Variants in TRPM2 observed in about 807,000 individuals in gnomAD.
The protein encoded by TRPM2 is transient receptor potential cation channel subfamily M member 2.
Under a neutral mutation model 174.0 loss-of-function variants are expected in TRPM2, and 161 were observed. The observed-to-expected ratio is 0.93, with a 90% confidence interval of 0.81 to 1.05. The LOEUF (loss-of-function observed/expected upper bound fraction) is 1.05, where lower values mean the gene tolerates loss of function less well. Ranked by LOEUF, TRPM2 falls within the 50% of genes least tolerant of loss-of-function variation. The pLI is 0.00. For missense variants in TRPM2, 2,057 were observed against 2,038.0 expected, an observed-to-expected ratio of 1.01 and a Z score of -0.18; for synonymous variants, 954 against 861.3, an observed-to-expected ratio of 1.11 and a Z score of -1.88.
intron 3 of TRPM2, among the ~76,000 whole-genome samples, chr21:44,364,685 A>G (rs1439648169): frequency 6.6e-6 from 1 of 151,930 alleles, no homozygotes; most frequent in African/African-American, 2.4e-5. Context: ...GGAGGGAGGG[A>G]AAAGCTGGGG....
At chr21:44,369,062 T>G (rs2048443318) in intron 4 of TRPM2, 115 bp from the exon 5 acceptor site, 1 of 1,148,326 alleles carries the variant, frequency 8.7e-7, no homozygotes, top group Non-Finnish European at 1.2e-6. Context: ...AGTGAGGAGC[T>G]CTGCGTTGTT....
At chr21:44,425,282 G>A (rs2050717028) in intron 24 of TRPM2, 3 of 389,208 alleles carry the variant, frequency 7.7e-6, no homozygotes, top group Non-Finnish European at 9.3e-6. Flanking sequence ...GCTGAGTGAC[G>A]AGAAGCAAAG....
chr21:44,423,958 T>C (rs997365657), intron 23 of TRPM2, among the ~76,000 whole-genome samples: 19 of 152,168 alleles, frequency 1.2e-4, no homozygotes, highest in African/African-American at 2.4e-5. Flanking sequence ...CACTGAGGCC[T>C]CCACGGCCGG....
intron 19 of TRPM2, 133 bp downstream of exon 19, chr21:44,406,898 T>G: frequency 8.4e-7 from 1 of 1,192,390 alleles, no homozygotes; most frequent in Non-Finnish European, 1.2e-6. Context: ...GCCGGTGTCC[T>G]CCCTGGGGGC....
rs2051426939 is a variant in TRPM2, at chr21:44,439,870, A to G, written c.4269+702A>G. ...CCAGGCAGCAGGGGCTGCAGCGGTG[A>G]GACACCACACCCGTCTAATATTTTG... is the stretch of plus-strand genomic sequence containing the variant. On this transcript the variant is annotated intron_variant, in intron 30 of 31. Coordinates refer to ENST00000397928, the MANE Select transcript of TRPM2 (RefSeq NM_003307.4). This position sits in a 1 kb window ranked among gnomAD's most constrained non-coding sequence, Gnocchi z 5.1. Among the ~76,000 whole-genome samples, 1 of 152,052 alleles carries G rather than the reference A, an allele frequency of 6.6e-6. No homozygotes were observed. The highest frequency in any genetic ancestry group is 1.5e-5 in the Non-Finnish European group (1 of 67,998).
intron 24 of TRPM2, 59 bp downstream of exon 24, chr21:44,424,998 G>T (rs951936744): frequency 3.4e-6 from 5 of 1,481,154 alleles, no homozygotes; most frequent in Non-Finnish European, 3.7e-6. Flanking sequence ...TTGGGTCTGG[G>T]GTCAGTTGGG....
intron 19 of TRPM2, among the ~76,000 whole-genome samples, chr21:44,413,435 G>A (rs531740663): frequency 1.5e-3 from 222 of 152,128 alleles, no homozygotes; most frequent in African/African-American, 5.2e-3. Context: ...TAGAGACAAG[G>A]TTTCACCATG....
In TRPM2 at chr21:44,406,742, G is replaced by A; in HGVS notation, c.2939G>A (p.Gly980Glu). 8.7e-6 allele frequency: 14 copies of A among 1,606,370 alleles called. No homozygotes were observed. Among genetic ancestry groups the A allele is most frequent in the Non-Finnish European group, 1.2e-5 (14 of 1,178,236 alleles). The change falls in exon 19 of 32, where the codon GGG (glycine) becomes GAG (glutamate). Residue 980 changes from glycine (G) to glutamate (E), a missense_variant. Physicochemically the swap from Gly to Glu is moderately conservative, Grantham distance 98. Transcript: ENST00000397928. ...TACCACTCCTACCTCACCATCTTCGGGCAGATCCCGGGCTACATCGACGGT... is the reference window on the plus strand; with the variant it reads ...TACCACTCCTACCTCACCATCTTCGAGCAGATCCCGGGCTACATCGACGGT... The part of the protein sequence containing the change: ...AVYHSYLTIF[G>E]QIPGYIDGVN...
At chr21:44,404,100 T>C (rs540564347) in intron 16 of TRPM2, among the ~76,000 whole-genome samples, 3 of 151,676 alleles carry the variant, frequency 2.0e-5, no homozygotes, top group Admixed American at 6.6e-5. Context: ...TACACACACA[T>C]ATATACATAT....
At position 44,376,851 on chromosome 21, in the gene TRPM2, A is replaced by T. The variant is rs566659079; in HGVS notation, c.952+838A>T. On this transcript the variant is annotated intron_variant, in intron 6 of 31. Transcript: ENST00000397928. This position sits in a 1 kb window ranked among gnomAD's most constrained non-coding sequence, Gnocchi z 4.2. ...GGGCCCCAGCCCCAGGGTCCAACTC[A>T]GCAGCTCCAGGTGGGCTGAGAACTT... 1.1e-3 allele frequency among the ~76,000 whole-genome samples: 161 copies of T among 152,338 alleles called. 1 individual carries two copies. The highest frequency in any genetic ancestry group is 3.8e-3 in the African/African-American group (158 of 41,564).
chr21:44,408,267 G>A (rs1166814398), intron 19 of TRPM2, among the ~76,000 whole-genome samples: 2 of 152,086 alleles, frequency 1.3e-5, no homozygotes, highest in Non-Finnish European at 2.9e-5. Context: ...TTCACATGCT[G>A]TGAATAACGT....
chr21:44,397,977 G>A, intron 13 of TRPM2, 101 bp downstream of exon 13: 1 of 1,365,306 alleles, frequency 7.3e-7, no homozygotes, highest in South Asian at 1.8e-5. Flanking sequence ...CCCTCACCCT[G>A]GGGTCCTCGT....
rs201506177 is a variant in TRPM2, at chr21:44,375,845, G to A, written c.784G>A (p.Ala262Thr). 3.5e-5 allele frequency: 57 copies of A among 1,612,816 alleles called. No homozygotes were observed. Among genetic ancestry groups the A allele is most frequent in the Middle Eastern group, 1.7e-4 (1 of 6,050 alleles). ...GLIHPTGSFP[A>T]EYILDEDGQG... ...CTGGCCATCCCAGGGCAGCTTCCCC[G>A]CCGAGTACATACTGGATGAGGATGG... The change falls in exon 6 of 32, where the codon GCC becomes ACC. Residue 262 changes from alanine (A) to threonine (T), a missense_variant. By Grantham distance (58) the Ala-to-Thr change is moderately conservative. Coordinates refer to ENST00000397928, the MANE Select transcript of TRPM2 (RefSeq NM_003307.4).
Position 44,354,863 on chromosome 21 carries a change from C to T in TRPM2, c.254+127C>T, listed in dbSNP as rs376263465. On this transcript the variant is annotated intron_variant, in intron 2 of 31. Coordinates refer to ENST00000397928, the MANE Select transcript of TRPM2 (RefSeq NM_003307.4). This position sits in a 1 kb window ranked among gnomAD's most constrained non-coding sequence, Gnocchi z 4.3. ...CACTGGAGATACCTCTGTCTCCATA[C>T]GAGGCTTAGAGTCCACAGAGCATTT... 17 of 818,188 alleles carry T rather than the reference C, an allele frequency of 2.1e-5. No homozygotes were observed. Among genetic ancestry groups the T allele is most frequent in the South Asian group, 3.0e-5 (2 of 65,842 alleles). 50.7% of individuals were successfully genotyped at this position (818,188 alleles called of 1,614,324 possible).
chr21:44,425,897 C>G (rs1057316422), intron 25 of TRPM2, 70 bp downstream of exon 25: 2 of 1,421,664 alleles, frequency 1.4e-6, no homozygotes, highest in Middle Eastern at 2.7e-4. Flanking sequence ...GGCCCTGTCC[C>G]CATCCATCTG....
chr21:44,398,231 C>A (rs867595500), intron 13 of TRPM2, among the ~76,000 whole-genome samples: 1 of 134,410 alleles, frequency 7.4e-6, no homozygotes, highest in South Asian at 2.1e-4. Flanking sequence ...GATGGAGTGT[C>A]GCTCTGTTGC....
In TRPM2 at chr21:44,376,604, C is replaced by T. The variant is rs1380479595; in HGVS notation, c.952+591C>T. 2.6e-5 allele frequency among the ~76,000 whole-genome samples: 4 copies of T among 152,298 alleles called. No homozygotes were observed. Among genetic ancestry groups the T allele is most frequent in the South Asian group, 2.1e-4 (1 of 4,830 alleles). ...TCTCAGGTTCAGAAATCAGAATGTA[C>T]GATAGTCAAAACTTAGGATTTGATA... On this transcript the variant is annotated intron_variant, in intron 6 of 31. Transcript: ENST00000397928. The surrounding 1 kb of genome is among the most constrained non-coding windows in gnomAD (Gnocchi z 4.2).
At chr21:44,403,922 C>T (rs1202182202) in intron 16 of TRPM2, among the ~76,000 whole-genome samples, 2 of 151,216 alleles carry the variant, frequency 1.3e-5, no homozygotes, top group African/African-American at 4.9e-5. Context: ...TACACACATA[C>T]ACATGTACAC....
At chr21:44,430,348 G>A (rs58117585) in intron 27 of TRPM2, among the ~76,000 whole-genome samples, 13,867 of 150,880 alleles carry the variant, frequency 0.092, 704 homozygotes, top group South Asian at 0.2. Flanking sequence ...ATAATTATTT[G>A]TTTCTTAAAG....
Sources: allele counts gnomAD v4.1 joint callset (sites outside exome capture counted in the v4.1 genomes callset), GRCh38; gene constraint gnomAD v4.1.1; non-coding constraint Gnocchi (gnomAD v3.1); transcripts MANE v1.5; gene names NCBI Gene and HGNC (gene_info 2026-07-23, HGNC 2026-07-21).